Variants in MLLT3 observed in about 807,000 individuals in gnomAD.
MLLT3 encodes the protein MLLT3 super elongation complex subunit, also known as protein AF-9.
Under a neutral mutation model 53.2 loss-of-function variants are expected in MLLT3, and 4 were observed. The ratio of observed to expected loss-of-function variants is 0.08; its 90% CI spans 0.04 to 0.17. The LOEUF is 0.17. Among genes scored for constraint, MLLT3 ranks in the 10% least tolerant of loss-of-function variants. MLLT3 has a pLI of 1.00. For synonymous variants in MLLT3, 283 were observed against 230.6 expected, an observed-to-expected ratio of 1.23 and a Z score of -2.06; for missense variants, 569 against 684.0, an observed-to-expected ratio of 0.83 and a Z score of 1.87.
intron 2 of MLLT3, among the ~76,000 whole-genome samples, chr9:20,501,532 A>G (rs1825227451): frequency 6.6e-6 from 1 of 151,598 alleles, no homozygotes; most frequent in Admixed American, 6.6e-5. Flanking sequence ...CGGGTGGATC[A>G]TGAGGTCAGG....
chr9:20,352,072 C>T (rs1029451608), intron 10 of MLLT3, among the ~76,000 whole-genome samples: 2 of 152,224 alleles, frequency 1.3e-5, no homozygotes, highest in African/African-American at 4.8e-5. Flanking sequence ...TCCAGTAAGC[C>T]ACCTTTCTTC....
chr9:20,530,481 G>C (rs1193192719), intron 2 of MLLT3, among the ~76,000 whole-genome samples: 3 of 152,194 alleles, frequency 2.0e-5, no homozygotes, highest in African/African-American at 4.8e-5. Context: ...CCAAGATAAA[G>C]GGGTTAAGCT....
At chr9:20,425,703 T>C (rs1586940371) in intron 4 of MLLT3, among the ~76,000 whole-genome samples, 1 of 152,020 alleles carries the variant, frequency 6.6e-6, no homozygotes, top group South Asian at 2.1e-4. Flanking sequence ...TTGAGTTATA[T>C]ACATTTAGCT....
chr9:20,460,208 C>T (rs1824074290), intron 2 of MLLT3, among the ~76,000 whole-genome samples: 1 of 152,178 alleles, frequency 6.6e-6, no homozygotes, highest in African/African-American at 2.4e-5. Context: ...CTCACTGCAT[C>T]AAGTTTATGA....
At chr9:20,444,929 AT>A (rs113540735) in intron 4 of MLLT3, among the ~76,000 whole-genome samples, 93 of 147,782 alleles carry the variant, frequency 6.3e-4, no homozygotes, top group African/African-American at 1.4e-3. Context: ...CTGTCTCTAC[AT>A]TTTTTTTTTT....
intron 2 of MLLT3, among the ~76,000 whole-genome samples, chr9:20,497,063 A>G (rs1825095929): frequency 6.6e-6 from 1 of 152,182 alleles, no homozygotes; most frequent in Non-Finnish European, 1.5e-5. Flanking sequence ...TGATCAAACC[A>G]CAACTGATTC....
chr9:20,588,195 A>G (rs1459464256), intron 2 of MLLT3, among the ~76,000 whole-genome samples: 4 of 151,480 alleles, frequency 2.6e-5, no homozygotes, highest in East Asian at 1.9e-4. Context: ...TGTTCCATTG[A>G]TCTATATCTC....
intron 4 of MLLT3, among the ~76,000 whole-genome samples, chr9:20,421,832 T>C (rs1438878400): frequency 6.6e-6 from 1 of 152,032 alleles, no homozygotes; most frequent in East Asian, 1.9e-4. Flanking sequence ...AACCCATCAA[T>C]TGGCAGAGAA....
chr9:20,456,857 A>G, intron 2 of MLLT3, 71 bp from the exon 3 acceptor site: 1 of 1,218,440 alleles, frequency 8.2e-7, no homozygotes, highest in Non-Finnish European at 1.2e-6. Flanking sequence ...TTTAAAAAAA[A>G]AAATCCCATT....
intron 2 of MLLT3, among the ~76,000 whole-genome samples, chr9:20,530,842 C>T (rs927844951): frequency 2.2e-4 from 33 of 152,228 alleles, no homozygotes; most frequent in African/African-American, 7.9e-4. Flanking sequence ...TGTTGGCCAG[C>T]TTGGTCTCGA....
At chr9:20,447,897 G>C (rs554327423) in intron 4 of MLLT3, among the ~76,000 whole-genome samples, 4 of 152,162 alleles carry the variant, frequency 2.6e-5, no homozygotes, top group South Asian at 4.1e-4. Flanking sequence ...TCTTAAGGCT[G>C]TTTTAATAAA....
At chr9:20,454,935 T>C (rs530341296) in intron 3 of MLLT3, among the ~76,000 whole-genome samples, 67 of 152,158 alleles carry the variant, frequency 4.4e-4, no homozygotes, top group African/African-American at 1.4e-3. Flanking sequence ...TCATAAATCA[T>C]CAAAGAAATG....
intron 5 of MLLT3, among the ~76,000 whole-genome samples, chr9:20,369,472 G>A (rs557362049): frequency 2.0e-5 from 3 of 152,084 alleles, no homozygotes; most frequent in Non-Finnish European, 4.4e-5. Flanking sequence ...TTGAAAGAAC[G>A]CAATTGCCAC....
At chr9:20,364,454 A>C (rs1229700021) in intron 6 of MLLT3, among the ~76,000 whole-genome samples, 3 of 152,238 alleles carry the variant, frequency 2.0e-5, no homozygotes, top group Non-Finnish European at 4.4e-5. Context: ...TAATCTTAAC[A>C]GAAGAGGTTA....
intron 2 of MLLT3, among the ~76,000 whole-genome samples, chr9:20,592,972 A>C (rs1820165633): frequency 1.3e-5 from 2 of 152,190 alleles, no homozygotes; most frequent in African/African-American, 4.8e-5. Context: ...GGGCAGGTGG[A>C]GTTTATATAG....
Position 20,397,503 on chromosome 9 carries a change from G to A in MLLT3, c.1125+16218C>T, listed in dbSNP as rs138944077. Among the ~76,000 whole-genome samples the A allele has an allele frequency of 5.4e-4, 82 of 152,138 alleles. 1 individual carries two copies. The highest frequency in any genetic ancestry group is 3.9e-3 in the South Asian group (19 of 4,816). On this transcript the variant is annotated intron_variant, in intron 5 of 10. Transcript: ENST00000380338. ...CATTACTTGAGCTTCTTTTGACTGC[G>A]GAACATGTAGGGCCCTATAAAAGCT...
At chr9:20,523,098 A>G (rs1818108426) in intron 2 of MLLT3, among the ~76,000 whole-genome samples, 1 of 152,244 alleles carries the variant, frequency 6.6e-6, no homozygotes, top group Admixed American at 6.5e-5. Flanking sequence ...AGGTATACAA[A>G]TGGCAAATAA....
chr9:20,457,468 T>G (rs757346143), intron 2 of MLLT3, among the ~76,000 whole-genome samples: 1 of 151,832 alleles, frequency 6.6e-6, no homozygotes, highest in Non-Finnish European at 1.5e-5. Context: ...ATGCTGGTCT[T>G]GAACTCCCGA....
intron 5 of MLLT3, among the ~76,000 whole-genome samples, chr9:20,383,800 TCTC>T (rs1191318728): frequency 6.6e-6 from 1 of 151,908 alleles, no homozygotes; most frequent in Non-Finnish European, 1.5e-5. Flanking sequence ...CTCTGAAACT[TCTC>T]CTGGAGAAGG....
Sources: gnomAD v4.1 joint callset for allele counts (sites outside exome capture counted in the v4.1 genomes callset) on GRCh38, gnomAD v4.1.1 for gene constraint, MANE v1.5 for transcripts, NCBI Gene and HGNC (gene_info 2026-07-23, HGNC 2026-07-21) for gene names.